The following SLC44A5 variants were observed in gnomAD, a reference collection of about 807,000 sequenced individuals.
The protein encoded by SLC44A5 is choline transporter-like protein 5.
SLC44A5 carries 57 observed loss-of-function variants against 101.8 expected under a neutral mutation model. The observed-to-expected ratio is 0.56, with a 90% CI of 0.45 to 0.70. SLC44A5 has a LOEUF of 0.70. Among genes scored for constraint, SLC44A5 ranks in the 30% least tolerant of loss-of-function variants. The probability of loss-of-function intolerance (pLI) is 0.00; values close to 1 mark genes in which losing one functional copy is unlikely to be tolerated. For synonymous variants in SLC44A5, 281 were observed against 290.9 expected (o/e 0.97, Z 0.35); for missense variants, 737 against 853.1 (o/e 0.86, Z 1.70).
intron 6 of SLC44A5, among the ~76,000 whole-genome samples, chr1:75,260,491 T>C (rs1650398597): frequency 6.6e-6 from 1 of 152,024 alleles, no homozygotes; most frequent in Non-Finnish European, 1.5e-5. Context: ...TAAATATATA[T>C]GCACCCAATA....
At chr1:75,718,851 T>C in the SLC44A5 span, among the ~76,000 whole-genome samples, 2 of 152,228 alleles carry the variant, frequency 1.3e-5, no homozygotes, top group African/African-American at 4.8e-5. Context: ...CTTTATAACT[T>C]ATAATGATTA....
intron 5 of SLC44A5, among the ~76,000 whole-genome samples, chr1:75,283,022 A>G (rs1180070548): frequency 1.3e-5 from 2 of 152,182 alleles, no homozygotes; most frequent in Non-Finnish European, 2.9e-5. Flanking sequence ...GTAGATACCC[A>G]GTAGAGGGAC....
intron 5 of SLC44A5, among the ~76,000 whole-genome samples, chr1:75,280,681 G>T (rs781319879): frequency 1.3e-5 from 2 of 150,708 alleles, no homozygotes; most frequent in Non-Finnish European, 2.9e-5. Context: ...TCATGAGGGT[G>T]GTTCTACCAT....
chr1:75,257,919 T>C (rs1284365109), intron 6 of SLC44A5, among the ~76,000 whole-genome samples: 1 of 151,990 alleles, frequency 6.6e-6, no homozygotes, highest in Non-Finnish European at 1.5e-5. Context: ...GCAGGGTGGG[T>C]TGTCACCTCA....
chr1:75,355,500 G>A (rs1473883159), intron 3 of SLC44A5, among the ~76,000 whole-genome samples: 6 of 152,144 alleles, frequency 3.9e-5, no homozygotes, highest in African/African-American at 1.4e-4. Context: ...TTCCATTAAT[G>A]TGAGAAAGTA....
At chr1:75,358,112 C>T (rs528215439) in intron 3 of SLC44A5, among the ~76,000 whole-genome samples, 6 of 151,940 alleles carry the variant, frequency 3.9e-5, no homozygotes, top group Non-Finnish European at 7.4e-5. Flanking sequence ...TGCCAGAAAC[C>T]GTATCTGATT....
intron 1 of SLC44A5, among the ~76,000 whole-genome samples, chr1:75,560,695 G>A (rs1352994821): frequency 1.3e-5 from 2 of 152,114 alleles, no homozygotes; most frequent in East Asian, 1.9e-4. Context: ...TTGCCTCCCT[G>A]TGCCCCAAGA....
At chr1:75,366,449 T>C (rs909278313) in intron 3 of SLC44A5, among the ~76,000 whole-genome samples, 5 of 152,214 alleles carry the variant, frequency 3.3e-5, no homozygotes, top group Admixed American at 2.6e-4. Flanking sequence ...GCTTTCACAG[T>C]ACTCCTTTTG....
At chr1:75,306,913 T>C (rs1654956573) in intron 4 of SLC44A5, among the ~76,000 whole-genome samples, 1 of 151,608 alleles carries the variant, frequency 6.6e-6, no homozygotes, top group African/African-American at 2.4e-5. Context: ...TTTTTTTGTA[T>C]TTTTTTAGTA....
the SLC44A5 span, among the ~76,000 whole-genome samples, chr1:75,640,920 T>TA: frequency 2.0e-5 from 3 of 151,968 alleles, no homozygotes; most frequent in African/African-American, 4.8e-5. Flanking sequence ...TATTAATAAA[T>TA]AAAAAAGTCC....
At chr1:75,664,754 T>C in the SLC44A5 span, among the ~76,000 whole-genome samples, 1 of 151,776 alleles carries the variant, frequency 6.6e-6, no homozygotes, top group Admixed American at 6.6e-5. Flanking sequence ...ACCCCATCTC[T>C]ACTAAAAATA....
intron 2 of SLC44A5, among the ~76,000 whole-genome samples, chr1:75,412,184 T>C (rs765006207): frequency 3.3e-5 from 5 of 152,226 alleles, no homozygotes; most frequent in Non-Finnish European, 5.9e-5. Flanking sequence ...CATCTTTAAA[T>C]GCAAGGACTA....
At chr1:75,658,248 A>ATT in the SLC44A5 span, among the ~76,000 whole-genome samples, 210 of 151,544 alleles carry the variant, frequency 1.4e-3, 1 homozygote, top group African/African-American at 4.8e-3. Flanking sequence ...TAATTTTTCT[A>ATT]TTTTTTTTGT....
chr1:75,613,206 T>C (rs1675732062), upstream of SLC44A5, among the ~76,000 whole-genome samples: 2 of 152,214 alleles, frequency 1.3e-5, no homozygotes, highest in African/African-American at 4.8e-5. Flanking sequence ...TGTAAGAGAA[T>C]AACCAACACA....
intron 2 of SLC44A5, among the ~76,000 whole-genome samples, chr1:75,490,188 T>G (rs1380350862): frequency 6.6e-6 from 1 of 152,140 alleles, no homozygotes. Flanking sequence ...TGTTCTCATA[T>G]CTCAGCCTAA....
chr1:75,312,772 C>T (rs1039755716), intron 4 of SLC44A5, among the ~76,000 whole-genome samples: 1 of 151,916 alleles, frequency 6.6e-6, no homozygotes, highest in Non-Finnish European at 1.5e-5. Context: ...GACTGAATAG[C>T]CCTCAGTGTG....
intron 3 of SLC44A5, among the ~76,000 whole-genome samples, chr1:75,356,231 A>G (rs957913077): frequency 3.3e-5 from 5 of 149,614 alleles, no homozygotes; most frequent in African/African-American, 4.9e-5. Context: ...AAAAAAAAAA[A>G]AGAGATATTC....
chr1:75,468,153 C>A (rs1435314890), intron 2 of SLC44A5, among the ~76,000 whole-genome samples: 1 of 151,916 alleles, frequency 6.6e-6, no homozygotes, highest in African/African-American at 2.4e-5. Context: ...GGCTTATGTC[C>A]AAAAGACAGG....
chr1:75,237,058 T>C lies in SLC44A5; in HGVS notation c.669A>G (p.Lys223=). 1 of 1,597,792 alleles carries C rather than the reference T, an allele frequency of 6.3e-7. No individual in the cohort carries two copies. Among genetic ancestry groups the C allele is most frequent in the Non-Finnish European group, 8.6e-7 (1 of 1,167,344 alleles). ...ELGIAANGIN[K]LLDAKSLGLK... ...ATCCAAGTGACTTTGCATCAAGAAGTTTATTGATACCACTGCATTGAAAGA... is the reference window on the plus strand; with the variant it reads ...ATCCAAGTGACTTTGCATCAAGAAGCTTATTGATACCACTGCATTGAAAGA... The change falls in exon 11 of 24, where the codon AAA becomes AAG. Residue 223 remains lysine (K), a synonymous_variant. Coordinates refer to ENST00000370859, the MANE Select transcript of SLC44A5 (RefSeq NM_001130058.2).
Sources: allele counts gnomAD v4.1 joint callset (sites outside exome capture counted in the v4.1 genomes callset), GRCh38; gene constraint gnomAD v4.1.1; transcripts MANE v1.5; gene names NCBI Gene and HGNC (gene_info 2026-07-23, HGNC 2026-07-21).